MPDZ: variants seen among roughly 807,000 people sequenced by gnomAD.
MPDZ encodes multiple PDZ domain crumbs cell polarity complex component, also known as multiple PDZ domain protein.
MPDZ carries 234 observed loss-of-function variants against 239.1 expected under a neutral mutation model. The observed-to-expected ratio is 0.98, with a 90% confidence interval of 0.88 to 1.09. The LOEUF is 1.09. Among genes scored for constraint, MPDZ ranks in the 50% least tolerant of loss-of-function variants. The probability of loss-of-function intolerance (pLI) is 0.00; values close to 1 mark genes in which losing one functional copy is unlikely to be tolerated. For missense variants in MPDZ, 3,175 were observed against 2,510.0 expected (o/e 1.26, Z -5.66); for synonymous variants, 1,048 against 881.3 (o/e 1.19, Z -3.35).
At chr9:13,236,134 A>C (rs1222842192) in intron 3 of MPDZ, among the ~76,000 whole-genome samples, 1 of 149,274 alleles carries the variant, frequency 6.7e-6, no homozygotes, top group African/African-American at 2.5e-5. Flanking sequence ...ATTTTTATTA[A>C]AATCAATCCA....
intron 3 of MPDZ, among the ~76,000 whole-genome samples, chr9:13,242,696 T>C (rs1337440952): frequency 6.6e-6 from 1 of 152,112 alleles, no homozygotes; most frequent in Non-Finnish European, 1.5e-5. Context: ...TCTGGCTCCA[T>C]AGTTTCCTCT....
chr9:13,175,754 A>G lies in MPDZ; in HGVS notation c.3053T>C (p.Leu1018Pro). The part of the protein sequence containing the change: ...TINIAKGNSS[L>P]GMTVSANKDG... ...TATGAGGAAAATGAGAAACTTACCT[A>G]GGCTAGAATTGCCTTTTGCTATATT... The change falls in exon 21 of 47, where the codon CTA becomes CCA. Residue 1018 changes from leucine to proline, a missense_variant and splice_region_variant. By Grantham distance (98) the Leu-to-Pro change is moderately conservative. Coordinates refer to ENST00000319217, the MANE Select transcript of MPDZ (RefSeq NM_001378778.1). The G allele has an allele frequency of 6.4e-7, 1 of 1,568,808 alleles. No individual in the cohort carries two copies. The highest frequency in any genetic ancestry group is 8.7e-7 in the Non-Finnish European group (1 of 1,154,826).
rs564923030 is a variant in MPDZ at position 13,133,784 on chromosome 9, G to A, written c.4464+40C>T. The A allele has an allele frequency of 3.1e-5, 43 of 1,373,578 alleles. No individual in the cohort carries two copies. The Admixed American group carries it at 4.5e-4, about 14-fold the overall frequency. 85.1% of individuals were successfully genotyped at this position (1,373,578 alleles called of 1,614,324 possible). A position where few individuals can be genotyped will look rare whatever the true frequency, so the allele number is the denominator to read the frequency against. On this transcript the variant is annotated intron_variant, in intron 32 of 46. Coordinates refer to ENST00000319217, the MANE Select transcript of MPDZ (RefSeq NM_001378778.1). ...CAGTGAATTAGAACACTGAGGTAAA[G>A]GAACTCACATCATTTCATTCCAATT... is the stretch of plus-strand genomic sequence containing the variant.
intron 1 of MPDZ, among the ~76,000 whole-genome samples, chr9:13,254,462 AG>A (rs1489523467): frequency 6.6e-6 from 1 of 152,216 alleles, no homozygotes; most frequent in African/African-American, 2.4e-5. Flanking sequence ...AAGAATACAC[AG>A]TATATTGTTG....
intron 1 of MPDZ, among the ~76,000 whole-genome samples, chr9:13,255,362 T>G (rs1292619939): frequency 1.3e-5 from 2 of 152,242 alleles, no homozygotes; most frequent in Admixed American, 1.3e-4. Flanking sequence ...CCTGGTAATG[T>G]TGATATTTTG....
At chr9:13,197,406 T>C (rs1955787516) in intron 12 of MPDZ, among the ~76,000 whole-genome samples, 1 of 152,092 alleles carries the variant, frequency 6.6e-6, no homozygotes, top group South Asian at 2.1e-4. Flanking sequence ...ATTACACCAA[T>C]AAGCCACCAT....
chr9:13,108,940 G>A lies in MPDZ; in HGVS notation c.6062C>T (p.Ala2021Val). 1 of 1,610,158 alleles carries A rather than the reference G, an allele frequency of 6.2e-7. No homozygotes were observed. Among genetic ancestry groups the A allele is most frequent in the Non-Finnish European group, 8.5e-7 (1 of 1,177,750 alleles). ...GGTTAAAATTTGCAAGCTTACCTTT[G>A]CAAACACTGTTTTAACATAAATGGG... ...DLPIYVKTVF[A>V]KGAASEDGRL... The change falls in exon 46 of 47, where the codon GCA becomes GTA. Residue 2021 changes from alanine to valine, a missense_variant. By Grantham distance (64) the Ala-to-Val change is moderately conservative. Transcript: ENST00000319217.
intron 24 of MPDZ, among the ~76,000 whole-genome samples, chr9:13,151,897 CA>C (rs35715911): frequency 0.45 from 68,580 of 151,734 alleles, 18,121 homozygotes; most frequent in African/African-American, 0.74. Flanking sequence ...AGTAGTAAAA[CA>C]AAGATAGTTT....
At chr9:13,110,804 C>A in intron 43 of MPDZ, 64 bp from the exon 44 acceptor site, 2 of 1,124,094 alleles carry the variant, frequency 1.8e-6, no homozygotes, top group South Asian at 2.8e-5. Flanking sequence ...TCTTTGAGAC[C>A]TAAGTATTCA....
At chr9:13,272,345 T>G (rs1037002796) in intron 1 of MPDZ, among the ~76,000 whole-genome samples, 1 of 152,088 alleles carries the variant, frequency 6.6e-6, no homozygotes, top group Non-Finnish European at 1.5e-5. Flanking sequence ...TTTTCCTCCC[T>G]CAGCCAAAGA....
chr9:13,279,628 C>A lies in MPDZ; in HGVS notation c.-286G>T, dbSNP rs1332071847. The A allele has an allele frequency of 6.7e-6, 1 of 150,014 alleles. No individual in the cohort carries two copies. Among genetic ancestry groups the A allele is most frequent in the Non-Finnish European group, 1.5e-5 (1 of 67,402 alleles). The allele number at this position is 150,014 out of a possible 1,614,324, so 9.3% of individuals were successfully genotyped here. On this transcript the variant is annotated 5_prime_UTR_variant, in exon 1 of 47. Coordinates refer to ENST00000319217, the MANE Select transcript of MPDZ (RefSeq NM_001378778.1). ...AGCCTAGCGCTCCGCCGCGCCCCCTCCCCCAGCGCGCGCCGCACTTGCGCC... is the reference window on the plus strand; with the variant it reads ...AGCCTAGCGCTCCGCCGCGCCCCCTACCCCAGCGCGCGCCGCACTTGCGCC...
At chr9:13,256,016 CA>C (rs1039955791) in intron 1 of MPDZ, among the ~76,000 whole-genome samples, 28 of 152,248 alleles carry the variant, frequency 1.8e-4, no homozygotes, top group African/African-American at 6.5e-4. Context: ...TTAGTGCAGC[CA>C]CCTTCATTAA....
At position 13,139,971 on chromosome 9, in the gene MPDZ, CA is replaced by C; in HGVS notation, c.4003+15del. ...ATACCTCTTACAATTAAATGCATCA[CA>C]AAAACACAACTTACTCCAGCTGTAA... On this transcript the variant is annotated intron_variant, in intron 28 of 46. Transcript: ENST00000319217. 1 of 1,613,158 alleles carries C rather than the reference CA, an allele frequency of 6.2e-7. No homozygotes were observed. The highest frequency in any genetic ancestry group is 2.2e-5 in the East Asian group (1 of 44,828).
chr9:13,122,284 C>CT, intron 36 of MPDZ, 114 bp from the exon 37 acceptor site: 1 of 927,916 alleles, frequency 1.1e-6, no homozygotes, highest in South Asian at 1.6e-5. Context: ...GTTATAAACT[C>CT]TGGCTCTACA....
At chr9:13,210,759 AGGGGCCAGT>A (rs938140056) in intron 10 of MPDZ, among the ~76,000 whole-genome samples, 5 of 152,110 alleles carry the variant, frequency 3.3e-5, no homozygotes, top group African/African-American at 1.2e-4. Flanking sequence ...CTGAGAAATC[AGGGGCCAGT>A]GGGAAGAAGA....
intron 10 of MPDZ, among the ~76,000 whole-genome samples, chr9:13,215,616 C>T (rs1958205641): frequency 6.6e-6 from 1 of 151,362 alleles, no homozygotes; most frequent in Admixed American, 6.6e-5. Flanking sequence ...AAACAAATAC[C>T]TAATAAGATA....
At chr9:13,135,334 T>C (rs1194903480) in intron 31 of MPDZ, 1 of 152,216 alleles carries the variant, frequency 6.6e-6, no homozygotes, top group Non-Finnish European at 1.5e-5. Flanking sequence ...ACCACTCATT[T>C]TTCCTCAGTG....
At chr9:13,269,639 T>C (rs1424841333) in intron 1 of MPDZ, among the ~76,000 whole-genome samples, 6 of 152,098 alleles carry the variant, frequency 3.9e-5, no homozygotes, top group Non-Finnish European at 8.8e-5. Flanking sequence ...AAAAATAAAA[T>C]CTGTTCACAA....
chr9:13,235,949 C>T (rs1165986780), intron 3 of MPDZ, among the ~76,000 whole-genome samples: 1 of 151,934 alleles, frequency 6.6e-6, no homozygotes, highest in African/African-American at 2.4e-5. Flanking sequence ...CAGTGTAACA[C>T]TGATTGTTAT....
Sources: allele counts gnomAD v4.1 joint callset (sites outside exome capture counted in the v4.1 genomes callset), GRCh38; gene constraint gnomAD v4.1.1; transcripts MANE v1.5; gene names NCBI Gene and HGNC (gene_info 2026-07-23, HGNC 2026-07-21).